EFL1: variants seen among roughly 807,000 people sequenced by gnomAD.
EFL1 encodes the protein elongation factor-like GTPase 1.
A neutral mutation model predicts 126.7 loss-of-function variants in EFL1; 76 were observed. That is an observed-to-expected ratio of 0.60 (90% CI 0.50 to 0.73). The LOEUF is 0.73. Ranked by LOEUF, EFL1 falls within the 30% of genes least tolerant of loss-of-function variation. The probability of loss-of-function intolerance (pLI) is 0.00; values close to 1 mark genes in which losing one functional copy is unlikely to be tolerated. For missense variants in EFL1, 1,128 were observed against 1,343.2 expected (o/e 0.84, Z 2.50); for synonymous variants, 410 against 448.4 (o/e 0.91, Z 1.08).
chr15:82,195,162 A>T (rs1389202896), intron 15 of EFL1, among the ~76,000 whole-genome samples: 1 of 152,202 alleles, frequency 6.6e-6, no homozygotes, highest in East Asian at 1.9e-4. Flanking sequence ...TAACCTCATA[A>T]GGGGAAATTT....
chr15:82,226,335 GT>G lies in EFL1; in HGVS notation c.1193-1072del, dbSNP rs201271804. ...AAGCGTGTACCACCACGCCCAGTTAGTTTTTGTATTTTTAGTAGAGACGGAG... is the reference window on the plus strand; with the variant it reads ...AAGCGTGTACCACCACGCCCAGTTAGTTTTGTATTTTTAGTAGAGACGGAG... On this transcript the variant is annotated intron_variant, in intron 11 of 19. Coordinates refer to ENST00000268206, the MANE Select transcript of EFL1 (RefSeq NM_024580.6). 6.8e-3 allele frequency among the ~76,000 whole-genome samples: 1,037 copies of G among 152,146 alleles called. 13 individuals carry two copies. Among genetic ancestry groups the G allele is most frequent in the African/African-American group, 0.024 (994 of 41,500 alleles).
chr15:82,222,656 G>A (rs2074723932), intron 12 of EFL1, among the ~76,000 whole-genome samples: 1 of 152,118 alleles, frequency 6.6e-6, no homozygotes, highest in African/African-American at 2.4e-5. Context: ...ATGGTAGCGG[G>A]GAACAAAGCA....
intron 15 of EFL1, among the ~76,000 whole-genome samples, chr15:82,202,764 T>C (rs2074483455): frequency 6.6e-6 from 1 of 152,154 alleles, no homozygotes. Context: ...GGATAAATTC[T>C]ACAAGACACC....
chr15:82,182,588 C>T (rs1374128173), intron 15 of EFL1, among the ~76,000 whole-genome samples: 1 of 152,074 alleles, frequency 6.6e-6, no homozygotes, highest in Non-Finnish European at 1.5e-5. Flanking sequence ...CTTTGGGAGG[C>T]CGAGGCGGGT....
At chr15:82,200,317 G>A (rs1396199963) in intron 15 of EFL1, among the ~76,000 whole-genome samples, 17 of 152,296 alleles carry the variant, frequency 1.1e-4, no homozygotes, top group Middle Eastern at 6.8e-3. Flanking sequence ...AAGCAGTAGT[G>A]GAGCTTAAGT....
chr15:82,193,144 G>A (rs767841147), intron 15 of EFL1, among the ~76,000 whole-genome samples: 6 of 152,110 alleles, frequency 3.9e-5, no homozygotes, highest in Non-Finnish European at 5.9e-5. Flanking sequence ...TTCAAATTTT[G>A]TATTTTTTAA....
chr15:82,140,182 C>T (rs1265879082), intron 18 of EFL1, among the ~76,000 whole-genome samples: 2 of 152,184 alleles, frequency 1.3e-5, no homozygotes, highest in African/African-American at 2.4e-5. Context: ...CTACTACATT[C>T]TCTCCTTCCT....
chr15:82,227,632 T>G (rs1317570329), intron 10 of EFL1, 60 bp from the exon 11 acceptor site: 1 of 1,610,532 alleles, frequency 6.2e-7, no homozygotes, highest in Non-Finnish European at 8.5e-7. Context: ...AAGGCGAAGA[T>G]TCACTGTATG....
chr15:82,243,939 G>C (rs1378679083), intron 4 of EFL1, among the ~76,000 whole-genome samples: 4 of 152,064 alleles, frequency 2.6e-5, no homozygotes, highest in African/African-American at 9.7e-5. Flanking sequence ...AGCCAGCCTT[G>C]GAGCTCACAT....
At chr15:82,220,925 G>A (rs576404223) in intron 12 of EFL1, among the ~76,000 whole-genome samples, 2 of 152,316 alleles carry the variant, frequency 1.3e-5, no homozygotes, top group African/African-American at 2.4e-5. Context: ...CTGTTTGGGA[G>A]TTTGGGTTTG....
chr15:82,135,980 A>C (rs1431085731), intron 19 of EFL1, among the ~76,000 whole-genome samples: 2 of 152,182 alleles, frequency 1.3e-5, no homozygotes, highest in African/African-American at 4.8e-5. Flanking sequence ...CCTTAGACTC[A>C]AAAGAGAAAT....
At chr15:82,203,437 G>A (rs572252902) in intron 15 of EFL1, among the ~76,000 whole-genome samples, 25 of 152,240 alleles carry the variant, frequency 1.6e-4, no homozygotes, top group African/African-American at 4.6e-4. Context: ...GGCGTGTGGC[G>A]CAATCTTGGC....
intron 16 of EFL1, among the ~76,000 whole-genome samples, chr15:82,158,485 T>C (rs2073989856): frequency 6.6e-6 from 1 of 152,138 alleles, no homozygotes; most frequent in African/African-American, 2.4e-5. Flanking sequence ...TTTAGCTGCT[T>C]TTTCACCCCC....
intron 17 of EFL1, among the ~76,000 whole-genome samples, chr15:82,152,746 T>C (rs1415262654): frequency 6.6e-6 from 1 of 152,132 alleles, no homozygotes; most frequent in East Asian, 1.9e-4. Context: ...TGTTTTAATA[T>C]ATGAAATATG....
chr15:82,186,008 T>C (rs571413620), intron 15 of EFL1, among the ~76,000 whole-genome samples: 3 of 152,358 alleles, frequency 2.0e-5, no homozygotes, highest in South Asian at 2.1e-4. Flanking sequence ...TATTTACTTA[T>C]CAATTCTAGG....
At chr15:82,178,081 G>T (rs1227680760) in intron 15 of EFL1, among the ~76,000 whole-genome samples, 1 of 152,070 alleles carries the variant, frequency 6.6e-6, no homozygotes, top group Non-Finnish European at 1.5e-5. Flanking sequence ...ACTCTATCAG[G>T]GATACTCAGG....
At chr15:82,143,828 AAC>A in intron 18 of EFL1, among the ~76,000 whole-genome samples, 1 of 152,316 alleles carries the variant, frequency 6.6e-6, no homozygotes, top group East Asian at 1.9e-4. Context: ...GCTGGAAACA[AAC>A]ACTGTGACAC....
At chr15:82,132,690 G>GGC (rs1555423092) in intron 19 of EFL1, among the ~76,000 whole-genome samples, 1 of 121,220 alleles carries the variant, frequency 8.2e-6, no homozygotes, top group African/African-American at 3.0e-5. Context: ...TTGGGGGGGG[G>GGC]GGGGGGTAGG....
intron 15 of EFL1, among the ~76,000 whole-genome samples, chr15:82,198,840 T>C (rs965683762): frequency 1.3e-5 from 2 of 152,206 alleles, no homozygotes; most frequent in Non-Finnish European, 1.5e-5. Context: ...TTTACTAGTT[T>C]GCGATCAAAA....
Sources: gnomAD v4.1 joint callset for allele counts (sites outside exome capture counted in the v4.1 genomes callset) on GRCh38, gnomAD v4.1.1 for gene constraint, MANE v1.5 for transcripts, NCBI Gene and HGNC (gene_info 2026-07-23, HGNC 2026-07-21) for gene names.